Variants in OSTC observed in about 807,000 individuals in gnomAD.
OSTC encodes the protein oligosaccharyltransferase complex non-catalytic subunit.
Under a neutral mutation model 16.4 loss-of-function variants are expected in OSTC, and 16 were observed. The ratio of observed to expected loss-of-function variants is 0.98; its 90% CI spans 0.66 to 1.49. OSTC has a LOEUF of 1.49. OSTC is among the 40% of genes most tolerant of loss of function. The probability of loss-of-function intolerance (pLI) is 0.00; values close to 1 mark genes in which losing one functional copy is unlikely to be tolerated. For synonymous variants in OSTC, 67 were observed against 68.5 expected, an observed-to-expected ratio of 0.98 and a Z score of 0.11; for missense variants, 139 against 186.3, an observed-to-expected ratio of 0.75 and a Z score of 1.48.
At chr4:108,657,724 C>T in intron 3 of OSTC, 77 bp downstream of exon 3, 1 of 1,297,104 alleles carries the variant, frequency 7.7e-7, no homozygotes, top group East Asian at 2.4e-5. Flanking sequence ...AGTCATAGGA[C>T]ATTTAATTTA....
chr4:108,656,314 AT>A (rs1176176583), intron 2 of OSTC, among the ~76,000 whole-genome samples: 3 of 152,142 alleles, frequency 2.0e-5, no homozygotes, highest in Non-Finnish European at 4.4e-5. Flanking sequence ...TGCATAGAAT[AT>A]TTCTGGAAAG....
chr4:108,655,569 A>T lies in OSTC; in HGVS notation c.145A>T (p.Ile49Phe). 1.3e-6 allele frequency: 2 copies of T among 1,579,904 alleles called. No individual in the cohort carries two copies. The highest frequency in any genetic ancestry group is 1.7e-6 in the Non-Finnish European group (2 of 1,150,430). ...VSYFLITGGI[I>F]YDVIVEPPSV... ...TTCTGTTGTCTTTCTTATAGGAATA[A>T]TTTATGATGTTATTGTTGAACCTCC... The change falls in exon 2 of 4, where the codon ATT becomes TTT. Residue 49 changes from isoleucine (I) to phenylalanine (F), a missense_variant. Coordinates refer to ENST00000361564, the MANE Select transcript of OSTC (RefSeq NM_021227.4).
rs1727029688 is a variant in OSTC at position 108,667,155 on chromosome 4, A to C, written c.432-92A>C. The C allele has an allele frequency of 2.2e-5, 22 of 996,880 alleles. No individual in the cohort carries two copies. In the South Asian group the frequency reaches 3.4e-4, roughly 15 times the overall value. 61.8% of individuals were successfully genotyped at this position (996,880 alleles called of 1,614,324 possible). A position where few individuals can be genotyped will look rare whatever the true frequency, so the allele number is the denominator to read the frequency against. The stretch of plus-strand genomic sequence containing the variant: ...TTGGATTGTTATTTGATATATCATA[A>C]AATTTGTTTTGGCATTTTGAAATAC... On this transcript the variant is annotated intron_variant, in intron 3 of 3. Coordinates refer to ENST00000361564, the MANE Select transcript of OSTC (RefSeq NM_021227.4).
chr4:108,657,443 T>C lies in OSTC; in HGVS notation c.234-7T>C. The C allele has an allele frequency of 1.2e-6, 2 of 1,601,176 alleles. No individual in the cohort carries two copies. Among genetic ancestry groups the C allele is most frequent in the Non-Finnish European group, 1.7e-6 (2 of 1,170,204 alleles). On this transcript the variant is annotated splice_region_variant and splice_polypyrimidine_tract_variant and intron_variant, in intron 2 of 3. Transcript: ENST00000361564. Reference sequence around the variant, plus strand: ...TATCTTTCTATGGTCATTCTTTTCTTTTCCAGAGTAAATGGACAATATATT... The same window carrying C: ...TATCTTTCTATGGTCATTCTTTTCTCTTCCAGAGTAAATGGACAATATATT...
chr4:108,655,716 C>A, intron 2 of OSTC, 59 bp downstream of exon 2: 2 of 1,236,510 alleles, frequency 1.6e-6, no homozygotes, highest in Admixed American at 1.9e-5. Flanking sequence ...GTGGTATGCC[C>A]ACTTATTTAA....
rs1395870078 is a variant in OSTC, at chr4:108,655,658, G to A, written c.233+1G>A. On this transcript the variant is annotated splice_donor_variant, in intron 2 of 3. Transcript: ENST00000361564. LOFTEE classifies it high-confidence loss of function. Reference sequence around the variant, plus strand: ...GGCCAGTAGCTTTCTTGGCCTACAGGTAAAAGATACCTTTTTGAATGATTT... The same window carrying A: ...GGCCAGTAGCTTTCTTGGCCTACAGATAAAAGATACCTTTTTGAATGATTT... 1 of 1,588,970 alleles carries A rather than the reference G, an allele frequency of 6.3e-7. No homozygotes were observed. The highest frequency in any genetic ancestry group is 1.7e-5 in the Admixed American group (1 of 59,748).
At chr4:108,660,014 T>C (rs1560624292) in intron 3 of OSTC, among the ~76,000 whole-genome samples, 1 of 152,210 alleles carries the variant, frequency 6.6e-6, no homozygotes, top group Non-Finnish European at 1.5e-5. Context: ...TTCAGGATAA[T>C]AGAGCTATCT....
chr4:108,657,483 A>C lies in OSTC; in HGVS notation c.267A>C (p.Ala89=). The C allele has an allele frequency of 6.2e-7, 1 of 1,613,554 alleles. No homozygotes were observed. The highest frequency in any genetic ancestry group is 8.5e-7 in the Non-Finnish European group (1 of 1,179,562). ...VNGQYIMEGL[A]SSFLFTMGGL... Reference sequence around the variant, plus strand: ...GACAATATATTATGGAAGGACTTGCATCCAGCTTCCTATTTACAATGGGAG... The same window carrying C: ...GACAATATATTATGGAAGGACTTGCCTCCAGCTTCCTATTTACAATGGGAG... The change falls in exon 3 of 4, where the codon GCA becomes GCC. Residue 89 remains alanine, a synonymous_variant. Coordinates refer to ENST00000361564, the MANE Select transcript of OSTC (RefSeq NM_021227.4).
chr4:108,660,327 T>C (rs1429337262), intron 3 of OSTC, among the ~76,000 whole-genome samples: 1 of 152,232 alleles, frequency 6.6e-6, no homozygotes, highest in Non-Finnish European at 1.5e-5. Flanking sequence ...CTTTCTGATA[T>C]CATTTCTCAT....
intron 3 of OSTC, 103 bp downstream of exon 3, chr4:108,657,750 G>A: frequency 9.2e-7 from 1 of 1,085,020 alleles, no homozygotes; most frequent in Non-Finnish European, 1.3e-6. Context: ...CATTTACATG[G>A]GTGAAAAATC....
chr4:108,661,289 G>C (rs1726851671), intron 3 of OSTC, among the ~76,000 whole-genome samples: 1 of 151,484 alleles, frequency 6.6e-6, no homozygotes, highest in African/African-American at 2.4e-5. Context: ...CATTTAAAAG[G>C]AAAAAATTAA....
intron 3 of OSTC, among the ~76,000 whole-genome samples, chr4:108,661,195 G>A (rs1257508192): frequency 2.0e-5 from 3 of 148,352 alleles, no homozygotes; most frequent in Non-Finnish European, 4.4e-5. Context: ...TCCAGGCTTG[G>A]TGACAGAGTG....
intron 3 of OSTC, among the ~76,000 whole-genome samples, chr4:108,664,839 G>T (rs1369060193): frequency 1.3e-5 from 2 of 152,112 alleles, no homozygotes; most frequent in African/African-American, 4.8e-5. Context: ...TGATCCGCCT[G>T]CCTCAGCCTC....
intron 2 of OSTC, among the ~76,000 whole-genome samples, chr4:108,656,435 G>A (rs1212204062): frequency 1.4e-5 from 2 of 146,002 alleles, no homozygotes; most frequent in African/African-American, 5.2e-5. Context: ...TACATATATT[G>A]TGTTTTCAAT....
chr4:108,663,400 A>G (rs1027749719), intron 3 of OSTC: 25 of 332,524 alleles, frequency 7.5e-5, no homozygotes, highest in African/African-American at 5.2e-4. Context: ...TTTAGTAGAG[A>G]TGGGGTTTCA....
At chr4:108,660,085 T>G (rs558115863) in intron 3 of OSTC, among the ~76,000 whole-genome samples, 1 of 152,346 alleles carries the variant, frequency 6.6e-6, no homozygotes, top group South Asian at 2.1e-4. Flanking sequence ...ATCTTACTTT[T>G]GCAATCATTT....
chr4:108,666,711 C>CAAAA (rs34702666), intron 3 of OSTC, among the ~76,000 whole-genome samples: 7 of 102,062 alleles, frequency 6.9e-5, no homozygotes, highest in South Asian at 3.3e-4. Flanking sequence ...AACTCCATCT[C>CAAAA]AAAAAAAAAA....
In OSTC at chr4:108,660,135, G is replaced by A. The variant is rs374716988; in HGVS notation, c.431+2488G>A. On this transcript the variant is annotated intron_variant, in intron 3 of 3. Coordinates refer to ENST00000361564, the MANE Select transcript of OSTC (RefSeq NM_021227.4). ...CTTCCTGTCCACATTCTATAGGCTA[G>A]TATGTAACACCGTTGACTAAATCCA... 1.6e-3 allele frequency among the ~76,000 whole-genome samples: 251 copies of A among 152,258 alleles called. No homozygotes were observed. The Middle Eastern group carries it at 0.017, about 10-fold the overall frequency.
chr4:108,663,536 G>A (rs898637610), intron 3 of OSTC, among the ~76,000 whole-genome samples: 3 of 152,216 alleles, frequency 2.0e-5, no homozygotes, highest in Admixed American at 2.0e-4. Context: ...AAAGAAGAAA[G>A]TGAGGTTTCC....
Sources: allele counts gnomAD v4.1 joint callset (sites outside exome capture counted in the v4.1 genomes callset), GRCh38; gene constraint gnomAD v4.1.1; transcripts MANE v1.5; gene names NCBI Gene and HGNC (gene_info 2026-07-23, HGNC 2026-07-21).